Variants in ZSCAN25 observed in about 807,000 individuals in gnomAD.
ZSCAN25 encodes zinc finger and SCAN domain containing 25, also known as zinc finger and SCAN domain-containing protein 25.
ZSCAN25 carries 27 observed loss-of-function variants against 38.7 expected under a neutral mutation model. The ratio of observed to expected loss-of-function variants is 0.70; its 90% CI spans 0.51 to 0.96. The LOEUF (loss-of-function observed/expected upper bound fraction) is 0.96. Among genes scored for constraint, ZSCAN25 ranks in the 40% least tolerant of loss-of-function variants. The pLI is 0.00. For synonymous variants in ZSCAN25, 273 were observed against 277.7 expected, an observed-to-expected ratio of 0.98 and a Z score of 0.17; for missense variants, 637 against 705.9, an observed-to-expected ratio of 0.90 and a Z score of 1.11.
At chr7:99,652,877 T>A in the ZSCAN25 span, 1 of 827,260 alleles carries the variant, frequency 1.2e-6, no homozygotes, top group South Asian at 1.7e-5. Flanking sequence ...CTCCAGAGAA[T>A]AACTCATACT....
Position 99,619,685 on chromosome 7 carries a change from T to A in ZSCAN25, c.79T>A (p.Leu27Met). 1 of 1,614,106 alleles carries A rather than the reference T, an allele frequency of 6.2e-7. No homozygotes were observed. The part of the protein sequence containing the change: ...GIPVVKLEKE[L>M]PWGRGREDPS... ...TCCTGTGGTGAAACTGGAGAAAGAG[T>A]TGCCATGGGGCAGAGGAAGGGAGGA... Residue 27 changes from leucine (L) to methionine (M), a missense_variant, in exon 4 of 8, where the codon TTG (leucine) becomes ATG (methionine). By Grantham distance (15) the Leu-to-Met change is conservative (BLOSUM62 2). Coordinates refer to ENST00000394152, the MANE Select transcript of ZSCAN25 (RefSeq NM_145115.3).
At chr7:99,705,131 G>A in the ZSCAN25 span, 1 of 249,476 alleles carries the variant, frequency 4.0e-6, no homozygotes, top group Admixed American at 5.1e-5. Context: ...CACTGTTAGA[G>A]CCATCAAAAT....
chr7:99,645,602 A>C, the ZSCAN25 span, among the ~76,000 whole-genome samples: 1 of 152,000 alleles, frequency 6.6e-6, no homozygotes, highest in Non-Finnish European at 1.5e-5. Context: ...TTTCTCCACA[A>C]CCTTGCCACA....
chr7:99,714,668 G>A, the ZSCAN25 span: 1 of 1,612,202 alleles, frequency 6.2e-7, no homozygotes, highest in Non-Finnish European at 8.5e-7. Flanking sequence ...ATTGGGGTAA[G>A]GAATGGAAAG....
downstream of ZSCAN25, among the ~76,000 whole-genome samples, chr7:99,636,514 G>A (rs551796295): frequency 6.8e-4 from 103 of 152,210 alleles, 1 homozygote; most frequent in Non-Finnish European, 8.8e-5. Context: ...TGGCCAAAGC[G>A]TGAAGGACCA....
chr7:99,711,061 A>G, the ZSCAN25 span, among the ~76,000 whole-genome samples: 486 of 152,310 alleles, frequency 3.2e-3, 1 homozygote, highest in African/African-American at 0.011. Flanking sequence ...TTACAGAGCC[A>G]GAACAAGGCA....
At chr7:99,719,042 G>C in the ZSCAN25 span, among the ~76,000 whole-genome samples, 1 of 152,180 alleles carries the variant, frequency 6.6e-6, no homozygotes, top group Non-Finnish European at 1.5e-5. Context: ...TTCATGAATT[G>C]AAAGACCAAA....
At chr7:99,691,887 C>T in the ZSCAN25 span, among the ~76,000 whole-genome samples, 2 of 152,236 alleles carry the variant, frequency 1.3e-5, no homozygotes, top group East Asian at 3.9e-4. Flanking sequence ...GCATTTAGCC[C>T]ATTTACATTT....
At chr7:99,663,482 C>T in the ZSCAN25 span, 1 of 991,118 alleles carries the variant, frequency 1.0e-6, no homozygotes, top group African/African-American at 1.7e-5. Flanking sequence ...AGAGAAGACC[C>T]CTGTTCACTC....
At chr7:99,730,815 G>A in the ZSCAN25 span, 1 of 486,828 alleles carries the variant, frequency 2.1e-6, no homozygotes, top group Non-Finnish European at 3.7e-6. Context: ...ACATCAAGTT[G>A]TGAACATCAG....
In ZSCAN25 at chr7:99,620,012, C is replaced by T; in HGVS notation, c.387+19C>T. 1 of 1,600,688 alleles carries T rather than the reference C, an allele frequency of 6.2e-7. No individual in the cohort carries two copies. Among genetic ancestry groups the T allele is most frequent in the Non-Finnish European group, 8.5e-7 (1 of 1,175,204 alleles). On this transcript the variant is annotated intron_variant, in intron 4 of 7. Transcript: ENST00000394152. Reference sequence around the variant, plus strand: ...CAAGGCGGTGGGTGAGGAGGGGATCCAGGTCTGGCGCCCTTGGCGTGGGCA... The same window carrying T: ...CAAGGCGGTGGGTGAGGAGGGGATCTAGGTCTGGCGCCCTTGGCGTGGGCA...
the ZSCAN25 span, chr7:99,730,919 C>T: frequency 2.1e-5 from 25 of 1,163,726 alleles, no homozygotes; most frequent in Admixed American, 2.5e-5. Context: ...AACTTTGCCA[C>T]GCTCTGGGTG....
chr7:99,624,915 A>G, intron 7 of ZSCAN25, among the ~76,000 whole-genome samples: 1 of 152,136 alleles, frequency 6.6e-6, no homozygotes, highest in Non-Finnish European at 1.5e-5. Flanking sequence ...GGGGAGAGGA[A>G]ACACTGTGGC....
the ZSCAN25 span, among the ~76,000 whole-genome samples, chr7:99,727,124 C>T: frequency 6.6e-6 from 1 of 152,188 alleles, no homozygotes; most frequent in Non-Finnish European, 1.5e-5. Flanking sequence ...AGGCTGTTCC[C>T]ATACTAGCTC....
At chr7:99,731,744 T>C in the ZSCAN25 span, among the ~76,000 whole-genome samples, 25 of 152,308 alleles carry the variant, frequency 1.6e-4, no homozygotes, top group African/African-American at 5.3e-4. Flanking sequence ...AGAGAGGTCT[T>C]GGAGGAGTCA....
downstream of ZSCAN25, among the ~76,000 whole-genome samples, chr7:99,635,891 C>A (rs1302039430): frequency 6.6e-6 from 1 of 151,684 alleles, no homozygotes. Context: ...GCTAAAAATA[C>A]AAAAAATTAG....
the ZSCAN25 span, among the ~76,000 whole-genome samples, chr7:99,680,963 C>T: frequency 7.9e-5 from 12 of 152,174 alleles, no homozygotes; most frequent in African/African-American, 2.9e-4. Context: ...AAGCTGTGCT[C>T]CCAGTACTTG....
At chr7:99,723,389 T>C in the ZSCAN25 span, among the ~76,000 whole-genome samples, 6 of 152,210 alleles carry the variant, frequency 3.9e-5, no homozygotes, top group Non-Finnish European at 7.4e-5. Context: ...CCTCCTCTGC[T>C]GACAATAGAT....
chr7:99,709,699 A>G, the ZSCAN25 span, among the ~76,000 whole-genome samples: 5 of 152,200 alleles, frequency 3.3e-5, no homozygotes, highest in African/African-American at 1.2e-4. Flanking sequence ...ATTATTGGCC[A>G]AACTTCTGGT....
Sources: gnomAD v4.1 joint callset for allele counts (sites outside exome capture counted in the v4.1 genomes callset) on GRCh38, gnomAD v4.1.1 for gene constraint, MANE v1.5 for transcripts, NCBI Gene and HGNC (gene_info 2026-07-23, HGNC 2026-07-21) for gene names.